CORO2A: variants seen among roughly 807,000 people sequenced by gnomAD.
CORO2A encodes coronin 2A.
CORO2A carries 47 observed loss-of-function variants against 62.4 expected under a neutral mutation model. The observed-to-expected ratio is 0.75, with a 90% CI of 0.60 to 0.96. CORO2A has a LOEUF of 0.96. Ranked by LOEUF, CORO2A falls within the 40% of genes least tolerant of loss-of-function variation. CORO2A has a pLI of 0.00. For synonymous variants in CORO2A, 273 were observed against 268.9 expected (o/e 1.02, Z -0.15); for missense variants, 610 against 684.1 (o/e 0.89, Z 1.21).
intron 1 of CORO2A, among the ~76,000 whole-genome samples, chr9:98,177,046 G>A (rs1340363723): frequency 6.6e-6 from 1 of 152,174 alleles, no homozygotes; most frequent in Non-Finnish European, 1.5e-5. Flanking sequence ...AGGAAAGAAA[G>A]GCCTTATAAT....
intron 1 of CORO2A, among the ~76,000 whole-genome samples, chr9:98,187,650 C>CT (rs1828256730): frequency 6.6e-6 from 1 of 152,076 alleles, no homozygotes; most frequent in Non-Finnish European, 1.5e-5. Context: ...TCTGGGGCCT[C>CT]TTTTATAAGA....
rs143908533 is a variant in CORO2A, at chr9:98,152,741, C to T, written c.201+4719G>A. 5.0e-3 allele frequency among the ~76,000 whole-genome samples: 762 copies of T among 152,052 alleles called. 7 individuals are homozygous for T. The highest frequency in any genetic ancestry group is 0.016 in the African/African-American group (675 of 41,486). On this transcript the variant is annotated intron_variant, in intron 2 of 11. Transcript: ENST00000375077. ...ACCACCACTCATGCAATATTCTTGCCAAAAATACATAAATGATTCTAATAA... is the reference window on the plus strand; with the variant it reads ...ACCACCACTCATGCAATATTCTTGCTAAAAATACATAAATGATTCTAATAA...
chr9:98,153,659 C>T (rs1401131109), intron 2 of CORO2A, among the ~76,000 whole-genome samples: 1 of 149,770 alleles, frequency 6.7e-6, no homozygotes, highest in African/African-American at 2.5e-5. Context: ...AACACACACA[C>T]ACACACACAC....
intron 2 of CORO2A, among the ~76,000 whole-genome samples, chr9:98,145,276 G>A (rs920047008): frequency 1.2e-4 from 19 of 152,176 alleles, no homozygotes; most frequent in South Asian, 1.2e-3. Context: ...TTCCTACTTC[G>A]AGCCCAGTGT....
chr9:98,136,084 C>T (rs1230474728), intron 3 of CORO2A, among the ~76,000 whole-genome samples: 1 of 152,214 alleles, frequency 6.6e-6, no homozygotes, highest in Non-Finnish European at 1.5e-5. Flanking sequence ...CTTCAGTCCC[C>T]CAACAGTCAC....
chr9:98,171,189 T>C (rs192193142), intron 1 of CORO2A, among the ~76,000 whole-genome samples: 2 of 152,346 alleles, frequency 1.3e-5, no homozygotes, highest in African/African-American at 2.4e-5. Context: ...CTTTCAGACC[T>C]GTCTTTGGAC....
intron 1 of CORO2A, among the ~76,000 whole-genome samples, chr9:98,160,772 CA>C (rs2118884359): frequency 6.6e-6 from 1 of 151,754 alleles, no homozygotes; most frequent in East Asian, 1.9e-4. Flanking sequence ...CCAGACGTCC[CA>C]TTGCTCCCCT....
intron 1 of CORO2A, 126 bp from the exon 2 acceptor site, chr9:98,157,786 T>G: frequency 1.3e-6 from 1 of 787,200 alleles, no homozygotes; most frequent in Non-Finnish European, 2.1e-6. Flanking sequence ...ACGTGGACGG[T>G]GATGCACTGT....
At chr9:98,184,606 C>T (rs1828216371) in intron 1 of CORO2A, among the ~76,000 whole-genome samples, 1 of 152,166 alleles carries the variant, frequency 6.6e-6, no homozygotes, top group Non-Finnish European at 1.5e-5. Flanking sequence ...GGTCCCAGGC[C>T]TCTACAGGGA....
chr9:98,131,167 T>C, intron 6 of CORO2A, 108 bp from the exon 7 acceptor site: 1 of 698,842 alleles, frequency 1.4e-6, no homozygotes, highest in Non-Finnish European at 2.5e-6. Flanking sequence ...AGAGTGTGTG[T>C]GTCAGAGAAA....
chr9:98,135,589 G>A (rs1827475088), intron 3 of CORO2A, among the ~76,000 whole-genome samples: 2 of 152,060 alleles, frequency 1.3e-5, no homozygotes, highest in African/African-American at 2.4e-5. Flanking sequence ...AGATGGAGGG[G>A]GCTGCCATGG....
chr9:98,135,041 C>T (rs915459427), intron 3 of CORO2A, 86 bp from the exon 4 acceptor site: 1 of 1,535,832 alleles, frequency 6.5e-7, no homozygotes, highest in Non-Finnish European at 8.8e-7. Flanking sequence ...TGGCAGTGAC[C>T]AGCAGAAGGA....
Position 98,123,170 on chromosome 9 carries a change from G to A in CORO2A, c.*1604C>T, listed in dbSNP as rs1441776723. 2.6e-5 allele frequency: 4 copies of A among 152,214 alleles called. No homozygotes were observed. Among genetic ancestry groups the A allele is most frequent in the Admixed American group, 2.6e-4 (4 of 15,268 alleles). The allele number at this position is 152,214 out of a possible 1,614,324, so 9.4% of individuals were successfully genotyped here. On this transcript the variant is annotated 3_prime_UTR_variant, in exon 12 of 12. Coordinates refer to ENST00000375077, the MANE Select transcript of CORO2A (RefSeq NM_052820.4). Reference sequence around the variant, plus strand: ...AGCTGGGGCACAGCTGAGGCCAGAAGCAACAGATTTCTACTCTTTGGGCTG... The same window carrying A: ...AGCTGGGGCACAGCTGAGGCCAGAAACAACAGATTTCTACTCTTTGGGCTG...
intron 2 of CORO2A, among the ~76,000 whole-genome samples, chr9:98,144,611 AC>A (rs1413974190): frequency 6.6e-6 from 1 of 152,226 alleles, no homozygotes; most frequent in African/African-American, 2.4e-5. Context: ...GAGGAGAGGC[AC>A]ACAAGAGACC....
intron 2 of CORO2A, among the ~76,000 whole-genome samples, chr9:98,144,222 A>T (rs1330990607): frequency 1.3e-5 from 2 of 151,980 alleles, no homozygotes; most frequent in Non-Finnish European, 1.5e-5. Flanking sequence ...TTCTTTAGAA[A>T]CCATAATCTA....
intron 9 of CORO2A, 137 bp downstream of exon 9, chr9:98,128,470 A>T: frequency 1.2e-6 from 1 of 814,610 alleles, no homozygotes; most frequent in Admixed American, 2.2e-5. Flanking sequence ...CACTGATGTC[A>T]CACTGGCTGT....
intron 3 of CORO2A, 25 bp downstream of exon 3, chr9:98,137,547 A>T (rs748520985): frequency 7.0e-6 from 11 of 1,568,126 alleles, no homozygotes; most frequent in Non-Finnish European, 8.8e-7. Context: ...CAGGAAGGGG[A>T]AGCCCCTCAG....
intron 1 of CORO2A, among the ~76,000 whole-genome samples, chr9:98,167,974 T>A (rs887947845): frequency 3.3e-5 from 5 of 152,176 alleles, no homozygotes; most frequent in African/African-American, 1.2e-4. Context: ...ATTTCCATTG[T>A]AAAAGATTTA....
chr9:98,182,839 A>G (rs1350019272), intron 1 of CORO2A, among the ~76,000 whole-genome samples: 3 of 152,198 alleles, frequency 2.0e-5, no homozygotes, highest in Non-Finnish European at 4.4e-5. Flanking sequence ...ACATTTTAAC[A>G]TCTCTGAAAC....
Sources: gnomAD v4.1 joint callset for allele counts (sites outside exome capture counted in the v4.1 genomes callset) on GRCh38, gnomAD v4.1.1 for gene constraint, MANE v1.5 for transcripts, NCBI Gene and HGNC (gene_info 2026-07-23, HGNC 2026-07-21) for gene names.